Variants in IPO9 observed in about 807,000 individuals in gnomAD.
IPO9 encodes the protein importin 9, also known as importin-9.
A neutral mutation model predicts 128.6 loss-of-function variants in IPO9; 28 were observed. The observed-to-expected ratio is 0.22, with a 90% CI of 0.16 to 0.30. The LOEUF (loss-of-function observed/expected upper bound fraction) is 0.30, where lower values mean the gene tolerates loss of function less well. Ranked by LOEUF, IPO9 falls within the 10% of genes least tolerant of loss-of-function variation. The pLI, the probability that IPO9 is intolerant of heterozygous loss-of-function variation, is 1.00. For synonymous variants in IPO9, 455 were observed against 475.8 expected, an observed-to-expected ratio of 0.96 and a Z score of 0.57; for missense variants, 935 against 1,293.9, an observed-to-expected ratio of 0.72 and a Z score of 4.26.
intron 13 of IPO9, 66 bp from the exon 14 acceptor site, chr1:201,863,382 A>G: frequency 6.8e-7 from 1 of 1,467,230 alleles, no homozygotes; most frequent in Non-Finnish European, 9.2e-7. Flanking sequence ...TGAATGTGGG[A>G]AAGAGAAAGA....
intron 13 of IPO9, among the ~76,000 whole-genome samples, chr1:201,861,439 T>G (rs889243363): frequency 1.3e-5 from 2 of 152,234 alleles, no homozygotes. Flanking sequence ...ATTCAACACT[T>G]TATTATAAAA....
At chr1:201,838,066 G>A (rs934974011) in intron 1 of IPO9, among the ~76,000 whole-genome samples, 27 of 151,858 alleles carry the variant, frequency 1.8e-4, no homozygotes, top group African/African-American at 6.6e-4. Context: ...GTGCAACTCT[G>A]TCTCAAAAGA....
rs1485317200 is a variant in IPO9 at position 201,839,132 on chromosome 1, C to A, written c.164-8147C>A. Among the ~76,000 whole-genome samples the A allele has an allele frequency of 1.1e-4, 16 of 151,644 alleles. No individual in the cohort carries two copies. In the East Asian group the frequency reaches 2.7e-3, roughly 26 times the overall value. ...ATGGGGTTTCACCATGTTGGCCAAG[C>A]TGGTCTCGAACTCCTAACCTCAGGT... is the stretch of plus-strand genomic sequence containing the variant. On this transcript the variant is annotated intron_variant, in intron 1 of 23. Coordinates refer to ENST00000361565, the MANE Select transcript of IPO9 (RefSeq NM_018085.5).
In IPO9 at chr1:201,838,739, G is replaced by A. The variant is rs143464991; in HGVS notation, c.164-8540G>A. ...AAACTGCAGCTTAAAGGCATAATAA[G>A]AATGAATTAAGAATCTAAGAATTCA... On this transcript the variant is annotated intron_variant, in intron 1 of 23. Transcript: ENST00000361565. Among the ~76,000 whole-genome samples, 111 of 151,584 alleles carry A rather than the reference G, an allele frequency of 7.3e-4. No homozygotes were observed. In the East Asian group the frequency reaches 0.019, roughly 26 times the overall value.
intron 17 of IPO9, 38 bp downstream of exon 17, chr1:201,869,756 T>C (rs752584146): frequency 8.1e-6 from 13 of 1,610,000 alleles, no homozygotes; most frequent in Non-Finnish European, 9.3e-6. Context: ...GGAAGATAGC[T>C]CCCCAGCCAT....
chr1:201,845,943 A>G (rs1680117849), intron 1 of IPO9, among the ~76,000 whole-genome samples: 1 of 152,166 alleles, frequency 6.6e-6, no homozygotes, highest in African/African-American at 2.4e-5. Flanking sequence ...TATATATTAG[A>G]TCTAAGTTCT....
chr1:201,865,365 C>A (rs1380173674), intron 14 of IPO9, among the ~76,000 whole-genome samples: 1 of 152,074 alleles, frequency 6.6e-6, no homozygotes, highest in Non-Finnish European at 1.5e-5. Context: ...TGTGCCACCA[C>A]ACCCAGCTAA....
At chr1:201,837,845 C>T (rs895397105) in intron 1 of IPO9, among the ~76,000 whole-genome samples, 1 of 151,750 alleles carries the variant, frequency 6.6e-6, no homozygotes, top group Non-Finnish European at 1.5e-5. Context: ...CTGAGGCGGG[C>T]GGATCACTTG....
At position 201,859,185 on chromosome 1, in the gene IPO9, ATATAT is replaced by A. The variant is rs1558221362; in HGVS notation, c.1468+192_1468+196del. On this transcript the variant is annotated intron_variant, in intron 13 of 23. Coordinates refer to ENST00000361565, the MANE Select transcript of IPO9 (RefSeq NM_018085.5). ...TACCCTAGAACTCAAAGTATAATAT[ATATAT>A]ATATATATATATATATAAAGGAAAC... 2.8e-4 allele frequency among the ~76,000 whole-genome samples: 37 copies of A among 132,712 alleles called. 3 individuals are homozygous for A. Among genetic ancestry groups the A allele is most frequent in the South Asian group, 1.5e-3 (6 of 4,080 alleles). The allele number at this position is 132,712 out of a possible 152,430, so 87.1% of individuals were successfully genotyped here.
Position 201,871,156 on chromosome 1 carries a change from C to G in IPO9, c.2410-5C>G, listed in dbSNP as rs1430093327. On this transcript the variant is annotated splice_polypyrimidine_tract_variant and splice_region_variant and intron_variant, in intron 18 of 23. Coordinates refer to ENST00000361565, the MANE Select transcript of IPO9 (RefSeq NM_018085.5). ...CCTGAAGCAAATGTCCTTATTTTCT[C>G]CTAGTCCCTGATCATGGTGTTCGCT... 6.2e-7 allele frequency: 1 copy of G among 1,611,112 alleles called. No individual in the cohort carries two copies. Among genetic ancestry groups the G allele is most frequent in the Non-Finnish European group, 8.5e-7 (1 of 1,178,554 alleles).
intron 13 of IPO9, among the ~76,000 whole-genome samples, chr1:201,862,615 T>A (rs938673315): frequency 6.6e-5 from 10 of 151,910 alleles, no homozygotes; most frequent in Admixed American, 6.6e-4. Flanking sequence ...GAGACCAGCC[T>A]GACCAACATG....
chr1:201,855,036 C>G (rs1245460970), intron 8 of IPO9, 88 bp from the exon 9 acceptor site: 32 of 1,299,644 alleles, frequency 2.5e-5, no homozygotes, highest in Non-Finnish European at 3.2e-5. Flanking sequence ...TTTAAGGTGT[C>G]TACTTTTAGT....
chr1:201,868,738 C>G lies in IPO9; in HGVS notation c.1946C>G (p.Pro649Arg). The part of the protein sequence containing the change: ...CQGPMQMRLI[P>R]TLVSIMQAPA... ...GGCCCAATGCAAATGAGGCTGATTCCCACTCTGGTCAGCATAATGCAGGCC... is the reference window on the plus strand; with the variant it reads ...GGCCCAATGCAAATGAGGCTGATTCGCACTCTGGTCAGCATAATGCAGGCC... Residue 649 changes from proline (P) to arginine (R), a missense_variant, in exon 16 of 24, where the codon CCC becomes CGC. By Grantham distance (103) the Pro-to-Arg change is moderately radical. Around this residue, in one of 3 missense-constraint regions of IPO9, gnomAD observed 741 missense variants for 1,019.1 expected, o/e 0.73. Transcript: ENST00000361565. 6.2e-7 allele frequency: 1 copy of G among 1,613,996 alleles called. No homozygotes were observed.
chr1:201,852,279 C>A, intron 5 of IPO9, 87 bp downstream of exon 5: 1 of 771,834 alleles, frequency 1.3e-6, no homozygotes, highest in Non-Finnish European at 2.2e-6. Flanking sequence ...GTGTTTGCAA[C>A]TGATCTCAAT....
At chr1:201,855,321 T>G in intron 9 of IPO9, 139 bp downstream of exon 9, 1 of 586,314 alleles carries the variant, frequency 1.7e-6, no homozygotes, top group Admixed American at 3.0e-5. Context: ...TTCGATGTAT[T>G]CGATGTGGGG....
intron 1 of IPO9, among the ~76,000 whole-genome samples, chr1:201,838,123 T>G (rs1375192138): frequency 6.6e-6 from 1 of 152,178 alleles, no homozygotes; most frequent in Admixed American, 6.5e-5. Context: ...GTGAATGTGC[T>G]TGTAGATTAT....
Position 201,870,172 on chromosome 1 carries a change from T to A in IPO9, c.2134-411T>A, listed in dbSNP as rs1439571581. ...TAGAAAGGTTATAGGAACTTGCCAGTGAATATTGATCAGCTTGGAAATCCC... is the reference window on the plus strand; with the variant it reads ...TAGAAAGGTTATAGGAACTTGCCAGAGAATATTGATCAGCTTGGAAATCCC... On this transcript the variant is annotated intron_variant, in intron 17 of 23. Transcript: ENST00000361565. This position sits in a 1 kb window ranked among gnomAD's most constrained non-coding sequence, Gnocchi z 4.9. Among the ~76,000 whole-genome samples, 1 of 152,172 alleles carries A rather than the reference T, an allele frequency of 6.6e-6. No homozygotes were observed. The highest frequency in any genetic ancestry group is 1.5e-5 in the Non-Finnish European group (1 of 68,016).
chr1:201,861,987 A>T (rs1014135612), intron 13 of IPO9, among the ~76,000 whole-genome samples: 1 of 152,166 alleles, frequency 6.6e-6, no homozygotes, highest in East Asian at 1.9e-4. Flanking sequence ...CTAAGGAGGG[A>T]TGTGTACTTG....
At chr1:201,862,847 G>C (rs1350142873) in intron 13 of IPO9, among the ~76,000 whole-genome samples, 1 of 151,772 alleles carries the variant, frequency 6.6e-6, no homozygotes, top group Non-Finnish European at 1.5e-5. Context: ...TACAGGTAAG[G>C]AATAATGAGA....
Sources: allele counts gnomAD v4.1 joint callset (sites outside exome capture counted in the v4.1 genomes callset), GRCh38; gene constraint gnomAD v4.1.1; regional missense constraint gnomAD v4.1.1; non-coding constraint Gnocchi (gnomAD v3.1); transcripts MANE v1.5; gene names NCBI Gene and HGNC (gene_info 2026-07-23, HGNC 2026-07-21).